Variants in PTK7 observed in about 807,000 individuals in gnomAD.
The protein encoded by PTK7 is protein tyrosine kinase 7 (inactive), also known as inactive tyrosine-protein kinase 7.
PTK7 carries 39 observed loss-of-function variants against 116.6 expected under a neutral mutation model. That is an observed-to-expected ratio of 0.33 (90% CI 0.26 to 0.44). The LOEUF is 0.44. PTK7 is among the 20% of genes least tolerant of loss of function. PTK7 has a pLI of 1.00. For synonymous variants in PTK7, 546 were observed against 563.6 expected (o/e 0.97, Z 0.44); for missense variants, 1,169 against 1,425.6 (o/e 0.82, Z 2.90).
intron 1 of PTK7, among the ~76,000 whole-genome samples, chr6:43,097,357 A>G (rs150408270): frequency 2.0e-4 from 31 of 152,344 alleles, no homozygotes; most frequent in African/African-American, 7.0e-4. Context: ...ATTTTAAACA[A>G]TGCCACCACA....
intron 1 of PTK7, among the ~76,000 whole-genome samples, chr6:43,085,464 G>A (rs1013667213): frequency 6.6e-6 from 1 of 151,696 alleles, no homozygotes; most frequent in South Asian, 2.1e-4. Flanking sequence ...GGTCAGGCTG[G>A]TCTTGAACTT....
At chr6:43,159,590 C>G (rs918766021) in intron 18 of PTK7, 198 bp from the exon 19 acceptor site, 25 of 598,086 alleles carry the variant, frequency 4.2e-5, no homozygotes, top group Non-Finnish European at 7.4e-5. Context: ...TTTTAACCAT[C>G]AAACCTCTCG....
At chr6:43,114,185 G>A (rs1297235849) in intron 1 of PTK7, among the ~76,000 whole-genome samples, 1 of 152,216 alleles carries the variant, frequency 6.6e-6, no homozygotes, top group African/African-American at 2.4e-5. Flanking sequence ...GCATGTGCGT[G>A]TGTCACGTGT....
intron 1 of PTK7, among the ~76,000 whole-genome samples, chr6:43,081,421 T>G (rs1293242686): frequency 6.6e-6 from 1 of 152,208 alleles, no homozygotes; most frequent in African/African-American, 2.4e-5. Context: ...TTTTGTTTTT[T>G]TTGAAATGGA....
rs757528996 is a variant in PTK7 at position 43,143,425 on chromosome 6, G to T, written c.2056G>T (p.Val686Leu). The T allele has an allele frequency of 6.2e-7, 1 of 1,613,908 alleles. No homozygotes were observed. Among genetic ancestry groups the T allele is most frequent in the South Asian group, 1.1e-5 (1 of 91,084 alleles). Residue 686 changes from valine to leucine, a missense_variant, in exon 14 of 20, where the codon GTG becomes TTG. By Grantham distance (32) the Val-to-Leu change is conservative (BLOSUM62 1). This residue lies in a region of PTK7 where 678 missense variants were observed against 853.8 expected (regional missense o/e 0.79). Transcript: ENST00000230419. This position sits in a 1 kb window ranked among gnomAD's most constrained non-coding sequence, Gnocchi z 4.2. Reference protein sequence around the residue: ...EAPLYVVDKPVPEESEGPGSP... With the variant: ...EAPLYVVDKPLPEESEGPGSP... ...ATCTGTGTGTCTCTCAGACAAGCCT[G>T]TGCCGGAGGAGTCGGAGGGCCCTGG...
At chr6:43,090,753 A>G (rs937816191) in intron 1 of PTK7, among the ~76,000 whole-genome samples, 3 of 152,204 alleles carry the variant, frequency 2.0e-5, no homozygotes, top group Admixed American at 6.5e-5. Flanking sequence ...CAGATTTCCA[A>G]TGAATCCTTC....
intron 1 of PTK7, among the ~76,000 whole-genome samples, chr6:43,119,536 G>C (rs1768833327): frequency 2.0e-5 from 3 of 152,098 alleles, no homozygotes; most frequent in African/African-American, 7.2e-5. Context: ...GAAGCACTTT[G>C]GGTCCGAACC....
intron 1 of PTK7, among the ~76,000 whole-genome samples, chr6:43,113,760 AG>A (rs1431796238): frequency 6.6e-6 from 1 of 152,238 alleles, no homozygotes; most frequent in African/African-American, 2.4e-5. Flanking sequence ...TTTAGATGTC[AG>A]GAAGTTTAAC....
chr6:43,131,080 T>TTAA (rs1468549806), intron 5 of PTK7, among the ~76,000 whole-genome samples: 1 of 118,682 alleles, frequency 8.4e-6, no homozygotes, highest in Non-Finnish European at 1.8e-5. Context: ...CACACACACT[T>TTAA]TTTAGAGGAA....
At chr6:43,142,639 G>T in intron 13 of PTK7, 1 of 398,756 alleles carries the variant, frequency 2.5e-6, no homozygotes, top group Non-Finnish European at 4.8e-6. Flanking sequence ...GTAGGACAAG[G>T]TTCTTTTCTC....
chr6:43,089,961 G>A (rs1766858223), intron 1 of PTK7, among the ~76,000 whole-genome samples: 2 of 152,240 alleles, frequency 1.3e-5, no homozygotes, highest in East Asian at 3.8e-4. Flanking sequence ...TGCTCTCAGG[G>A]GTTGTACAGC....
intron 17 of PTK7, among the ~76,000 whole-genome samples, chr6:43,156,775 A>T (rs1771458813): frequency 6.6e-6 from 1 of 152,048 alleles, no homozygotes; most frequent in African/African-American, 2.4e-5. Context: ...GCGCGCCTGT[A>T]ATCCCAGCTA....
chr6:43,143,356 A>G lies in PTK7; in HGVS notation c.2048-61A>G. On this transcript the variant is annotated intron_variant, in intron 13 of 19. Transcript: ENST00000230419. This position sits in a 1 kb window ranked among gnomAD's most constrained non-coding sequence, Gnocchi z 4.2. The stretch of plus-strand genomic sequence containing the variant: ...GTTGATGGGGTTGGGAGGAGTTAGT[A>G]GAGAAGCAGGGCTTCTTTTGCTTAG... The G allele has an allele frequency of 3.2e-6, 5 of 1,538,706 alleles. No individual in the cohort carries two copies.
chr6:43,095,646 A>G (rs1283142577), intron 1 of PTK7, among the ~76,000 whole-genome samples: 2 of 152,182 alleles, frequency 1.3e-5, no homozygotes, highest in Non-Finnish European at 2.9e-5. Flanking sequence ...GCTTCCTATG[A>G]GAGTGTTTTG....
chr6:43,131,977 A>AT, intron 5 of PTK7, 39 bp from the exon 6 acceptor site: 1 of 1,612,706 alleles, frequency 6.2e-7, no homozygotes, highest in Non-Finnish European at 8.5e-7. Flanking sequence ...AACTAGGCCT[A>AT]TTGGCCACTT....
chr6:43,144,502 C>T lies in PTK7; in HGVS notation c.2303C>T (p.Ala768Val). The change falls in exon 15 of 20, where the codon GCC (alanine) becomes GTC (valine). Residue 768 changes from alanine (A) to valine (V), a missense_variant. Physicochemically the swap from Ala to Val is moderately conservative, Grantham distance 64. Coordinates refer to ENST00000230419, the MANE Select transcript of PTK7 (RefSeq NM_002821.5). ...TCAGCAGAGATCCAAGAAGAAGTGGCCTTGACCAGCTTGGGCTCCGGCCCC... is the reference window on the plus strand; with the variant it reads ...TCAGCAGAGATCCAAGAAGAAGTGGTCTTGACCAGCTTGGGCTCCGGCCCC... Reference protein sequence around the residue: ...QPSAEIQEEVALTSLGSGPAA... With the variant: ...QPSAEIQEEVVLTSLGSGPAA... 1 of 1,614,140 alleles carries T rather than the reference C, an allele frequency of 6.2e-7. No individual in the cohort carries two copies. Among genetic ancestry groups the T allele is most frequent in the Non-Finnish European group, 8.5e-7 (1 of 1,180,022 alleles).
intron 17 of PTK7, among the ~76,000 whole-genome samples, chr6:43,150,960 T>G (rs578177791): frequency 2.7e-5 from 4 of 146,444 alleles, no homozygotes; most frequent in African/African-American, 1.0e-4. Flanking sequence ...GTAGCTGGGA[T>G]TACAGGAGCC....
chr6:43,147,676 C>T (rs1770801917), intron 17 of PTK7, among the ~76,000 whole-genome samples: 1 of 152,194 alleles, frequency 6.6e-6, no homozygotes, highest in Non-Finnish European at 1.5e-5. Context: ...ACCCTGGCTG[C>T]CCCCAATCTC....
At chr6:43,144,885 G>C in intron 15 of PTK7, 3 of 416,382 alleles carry the variant, frequency 7.2e-6, no homozygotes, top group Non-Finnish European at 1.3e-5. Flanking sequence ...CATTGTTCTA[G>C]GAAAAAATAT....
Sources: gnomAD v4.1 joint callset for allele counts (sites outside exome capture counted in the v4.1 genomes callset) on GRCh38, gnomAD v4.1.1 for gene constraint, gnomAD v4.1.1 regional missense constraint, Gnocchi (gnomAD v3.1) non-coding constraint, MANE v1.5 for transcripts, NCBI Gene and HGNC (gene_info 2026-07-23, HGNC 2026-07-21) for gene names.